The following SLC4A10 variants were observed in gnomAD, a reference collection of about 807,000 sequenced individuals.
The protein encoded by SLC4A10 is solute carrier family 4 member 10.
A neutral mutation model predicts 137.7 loss-of-function variants in SLC4A10; 42 were observed. The ratio of observed to expected loss-of-function variants is 0.30; its 90% CI spans 0.24 to 0.39. The LOEUF is 0.39. Among genes scored for constraint, SLC4A10 ranks in the 10% least tolerant of loss-of-function variants. SLC4A10 has a pLI of 1.00. For synonymous variants in SLC4A10, 474 were observed against 464.1 expected (o/e 1.02, Z -0.27); for missense variants, 925 against 1,355.0 (o/e 0.68, Z 4.98).
Position 161,879,232 on chromosome 2 carries a change from C to T in SLC4A10, c.1050C>T (p.Val350=). The change falls in exon 9 of 27, where the codon GTC becomes GTT. Residue 350 remains valine (V), a synonymous_variant. Transcript: ENST00000446997. The stretch of plus-strand genomic sequence containing the variant: ...TGGATCGAACAGTAGTTGCGTTTGT[C>T]AGGTTGTCTCCAGCTGTATTGCTTC... ...EFLDRTVVAF[V]RLSPAVLLQG... 1 of 1,613,318 alleles carries T rather than the reference C, an allele frequency of 6.2e-7. No homozygotes were observed. The highest frequency in any genetic ancestry group is 8.5e-7 in the Non-Finnish European group (1 of 1,179,404).
chr2:161,634,545 C>A (rs533046477), intron 1 of SLC4A10, among the ~76,000 whole-genome samples: 1 of 151,744 alleles, frequency 6.6e-6, no homozygotes, highest in Non-Finnish European at 1.5e-5. Flanking sequence ...TGCCTCATGA[C>A]TTTTTAAAAC....
rs1412475953 is a variant in SLC4A10, at chr2:161,905,984, G to A, written c.1997+97G>A. ...GAGGAAATTACTCAGCAGAGAATGT[G>A]CCTTAAGTTGATTCATGACCTAAAT... On this transcript the variant is annotated intron_variant, in intron 15 of 26. Coordinates refer to ENST00000446997, the MANE Select transcript of SLC4A10 (RefSeq NM_001178015.2). 6 of 1,429,544 alleles carry A rather than the reference G, an allele frequency of 4.2e-6. No individual in the cohort carries two copies. In the Admixed American group the frequency reaches 1.4e-4, roughly 34 times the overall value. 88.6% of individuals were successfully genotyped at this position (1,429,544 alleles called of 1,614,324 possible).
At chr2:161,960,276 A>G (rs1249838900) in intron 21 of SLC4A10, among the ~76,000 whole-genome samples, 1 of 147,838 alleles carries the variant, frequency 6.8e-6, no homozygotes, top group Non-Finnish European at 1.5e-5. Context: ...AGGCAGGAGA[A>G]TTGCTTGAAC....
intron 6 of SLC4A10, among the ~76,000 whole-genome samples, chr2:161,866,194 C>T (rs550915148): frequency 6.6e-6 from 1 of 151,980 alleles, no homozygotes; most frequent in Non-Finnish European, 1.5e-5. Flanking sequence ...GTGTCTTGAG[C>T]ATGTTACCTT....
At chr2:161,737,032 T>C (rs1318853093) in intron 1 of SLC4A10, among the ~76,000 whole-genome samples, 1 of 151,824 alleles carries the variant, frequency 6.6e-6, no homozygotes, top group Non-Finnish European at 1.5e-5. Flanking sequence ...AGTGATTTTT[T>C]TTTTTCCATG....
In SLC4A10 at chr2:161,947,613, T is replaced by C; in HGVS notation, c.2151T>C (p.His717=). Residue 717 remains histidine, a synonymous_variant, in exon 17 of 27, where the codon CAT becomes CAC. Transcript: ENST00000446997. ...HGEYVGRACG[H]DHPYVPDVLF... is the part of the protein sequence containing the mutation. ...AGTATGTTGGACGGGCCTGTGGCCA[T>C]GATCACCCATATGTTCCAGATGTTC... 3 of 1,613,248 alleles carry C rather than the reference T, an allele frequency of 1.9e-6. No homozygotes were observed. The South Asian group carries it at 3.3e-5, about 18-fold the overall frequency.
intron 3 of SLC4A10, among the ~76,000 whole-genome samples, chr2:161,828,030 G>A (rs940088581): frequency 1.3e-5 from 2 of 152,068 alleles, no homozygotes; most frequent in African/African-American, 2.4e-5. Context: ...TTACTCCTGG[G>A]TTTACTCTGA....
chr2:161,689,747 A>C (rs2041799119), intron 1 of SLC4A10, among the ~76,000 whole-genome samples: 1 of 152,170 alleles, frequency 6.6e-6, no homozygotes, highest in African/African-American at 2.4e-5. Flanking sequence ...ATTTTTTCCT[A>C]GTTAAATCAA....
In SLC4A10 at chr2:161,905,886, T is replaced by C. The variant is rs773500702; in HGVS notation, c.1996T>C (p.Ser666Pro). The change falls in exon 15 of 27, where the codon TCG becomes CCG. Residue 666 changes from serine (S) to proline (P), a missense_variant and splice_region_variant. Physicochemically the swap from Ser to Pro is moderately conservative, Grantham distance 74. Coordinates refer to ENST00000446997, the MANE Select transcript of SLC4A10 (RefSeq NM_001178015.2). The part of the protein sequence containing the change: ...HNDLELLTQY[S>P]CNCVEPHNPS... ...TGATCTGGAACTGCTGACACAATACTCGTAAGTACCATTTCCCCTGCTGGC... is the reference window on the plus strand; with the variant it reads ...TGATCTGGAACTGCTGACACAATACCCGTAAGTACCATTTCCCCTGCTGGC... 1.9e-6 allele frequency: 3 copies of C among 1,597,908 alleles called. No individual in the cohort carries two copies. In the Admixed American group the frequency reaches 5.2e-5, roughly 28 times the overall value.
rs1344599576 is a variant in SLC4A10, at chr2:161,836,505, A to AAGG, written c.278-3283_278-3282insGGA. Among the ~76,000 whole-genome samples, 445 of 140,434 alleles carry AAGG rather than the reference A, an allele frequency of 3.2e-3. 3 individuals carry two copies. The highest frequency in any genetic ancestry group is 6.9e-3 in the Middle Eastern group (2 of 288). The allele number at this position is 140,434 out of a possible 152,430, so 92.1% of individuals were successfully genotyped here. On this transcript the variant is annotated intron_variant, in intron 3 of 26. Coordinates refer to ENST00000446997, the MANE Select transcript of SLC4A10 (RefSeq NM_001178015.2). The stretch of plus-strand genomic sequence containing the variant: ...AGAGTGAAAGAAAGAAAAGGAAGAA[A>AAGG]AAGAAAGAAAGAAAGAGAGAGAGAG...
chr2:161,862,954 C>G lies in SLC4A10; in HGVS notation c.658C>G (p.Gln220Glu), dbSNP rs2060516867. The G allele has an allele frequency of 6.2e-7, 1 of 1,613,566 alleles. No individual in the cohort carries two copies. Among genetic ancestry groups the G allele is most frequent in the Non-Finnish European group, 8.5e-7 (1 of 1,179,770 alleles). Residue 220 changes from glutamine (Q) to glutamate (E), a missense_variant, in exon 6 of 27, where the codon CAG (glutamine) becomes GAG (glutamate). Coordinates refer to ENST00000446997, the MANE Select transcript of SLC4A10 (RefSeq NM_001178015.2). Reference protein sequence around the residue: ...RHRVHEALMKQHHHQNQKKLT... With the variant: ...RHRVHEALMKEHHHQNQKKLT... ...TAGGGTCCATGAGGCATTGATGAAA[C>G]AGCATCATCATCAGAATCAGAAAAA... is the stretch of plus-strand genomic sequence containing the variant.
intron 1 of SLC4A10, among the ~76,000 whole-genome samples, chr2:161,727,863 C>T (rs75110208): frequency 0.038 from 5,801 of 151,900 alleles, 161 homozygotes; most frequent in Non-Finnish European, 0.058. Flanking sequence ...ACAAAAGGAC[C>T]GGTGTATGAT....
chr2:161,839,559 A>G (rs1395973106), intron 3 of SLC4A10, among the ~76,000 whole-genome samples: 2 of 152,146 alleles, frequency 1.3e-5, no homozygotes, highest in Admixed American at 6.5e-5. Context: ...ATACATTAAT[A>G]TATACATTTT....
chr2:161,753,219 T>G (rs1362853989), intron 1 of SLC4A10, among the ~76,000 whole-genome samples: 1 of 152,134 alleles, frequency 6.6e-6, no homozygotes, highest in Non-Finnish European at 1.5e-5. Context: ...CTTTTCAGCT[T>G]CATTTTTATA....
At chr2:161,814,890 A>G (rs1249027690) in intron 3 of SLC4A10, among the ~76,000 whole-genome samples, 1 of 152,116 alleles carries the variant, frequency 6.6e-6, no homozygotes, top group Non-Finnish European at 1.5e-5. Flanking sequence ...TGCCCATATA[A>G]CAAGCCTGCA....
chr2:161,793,238 A>G (rs1397736892), intron 2 of SLC4A10, among the ~76,000 whole-genome samples: 1 of 152,186 alleles, frequency 6.6e-6, no homozygotes, highest in Non-Finnish European at 1.5e-5. Flanking sequence ...TGCACTGTAG[A>G]ATAACTAAAT....
At chr2:161,947,006 TA>T (rs1488437189) in intron 16 of SLC4A10, among the ~76,000 whole-genome samples, 5 of 152,098 alleles carry the variant, frequency 3.3e-5, no homozygotes, top group African/African-American at 1.2e-4. Context: ...TCTTAGTCAA[TA>T]AGCAATAATA....
At chr2:161,940,556 C>T (rs1404751806) in intron 15 of SLC4A10, among the ~76,000 whole-genome samples, 3 of 152,148 alleles carry the variant, frequency 2.0e-5, no homozygotes, top group Non-Finnish European at 2.9e-5. Context: ...TCTGAAGCCG[C>T]GCGTCAGAGA....
At chr2:161,801,277 G>T (rs2055337857) in intron 2 of SLC4A10, among the ~76,000 whole-genome samples, 1 of 151,748 alleles carries the variant, frequency 6.6e-6, no homozygotes, top group Non-Finnish European at 1.5e-5. Flanking sequence ...ATTTTTCTCT[G>T]TTTTTAATCT....
Sources: gnomAD v4.1 joint callset for allele counts (sites outside exome capture counted in the v4.1 genomes callset) on GRCh38, gnomAD v4.1.1 for gene constraint, MANE v1.5 for transcripts, NCBI Gene and HGNC (gene_info 2026-07-23, HGNC 2026-07-21) for gene names.